The following ERBB4 variants were observed in gnomAD, a reference collection of about 807,000 sequenced individuals.
ERBB4 encodes the protein erb-b2 receptor tyrosine kinase 4, also known as receptor tyrosine-protein kinase erbB-4.
ERBB4 carries 42 observed loss-of-function variants against 158.0 expected under a neutral mutation model. That is an observed-to-expected ratio of 0.27 (90% CI 0.21 to 0.34). The LOEUF is 0.34. ERBB4 is among the 10% of genes least tolerant of loss of function. The pLI is 1.00. For synonymous variants in ERBB4, 583 were observed against 558.7 expected (o/e 1.04, Z -0.61); for missense variants, 1,333 against 1,624.1 (o/e 0.82, Z 3.08).
At chr2:211,902,555 A>G (rs2079264670) in intron 3 of ERBB4, among the ~76,000 whole-genome samples, 1 of 151,944 alleles carries the variant, frequency 6.6e-6, no homozygotes, top group Non-Finnish European at 1.5e-5. Flanking sequence ...AAAAAGAGCT[A>G]TTGAAAAGAA....
At chr2:212,278,619 A>T (rs2085635878) in intron 1 of ERBB4, among the ~76,000 whole-genome samples, 1 of 151,714 alleles carries the variant, frequency 6.6e-6, no homozygotes, top group Admixed American at 6.6e-5. Context: ...AGCACAGACT[A>T]GCTGAAAACA....
chr2:211,684,905 T>A (rs1247441600), intron 12 of ERBB4, among the ~76,000 whole-genome samples: 1 of 152,156 alleles, frequency 6.6e-6, no homozygotes, highest in Non-Finnish European at 1.5e-5. Context: ...GGGAGACAAA[T>A]TTGAGGGTTT....
chr2:212,131,120 A>G (rs2080094068), intron 1 of ERBB4, among the ~76,000 whole-genome samples: 1 of 152,140 alleles, frequency 6.6e-6, no homozygotes, highest in East Asian at 1.9e-4. Context: ...AGAGATGGCA[A>G]GTTTTGTTAT....
chr2:212,413,621 T>C (rs1330492975), intron 1 of ERBB4, among the ~76,000 whole-genome samples: 2 of 152,160 alleles, frequency 1.3e-5, no homozygotes, highest in Non-Finnish European at 2.9e-5. Context: ...TCAAAACTAG[T>C]AATACGATAT....
At chr2:212,083,859 G>A (rs568587364) in intron 2 of ERBB4, among the ~76,000 whole-genome samples, 85 of 150,166 alleles carry the variant, frequency 5.7e-4, no homozygotes, top group Admixed American at 1.5e-3. Flanking sequence ...ACAGAACAAC[G>A]CATATCTTTA....
At chr2:211,772,528 C>T (rs1406224509) in intron 4 of ERBB4, among the ~76,000 whole-genome samples, 3 of 151,758 alleles carry the variant, frequency 2.0e-5, no homozygotes, top group African/African-American at 4.8e-5. Flanking sequence ...CAGAGGGTCT[C>T]AGTAGTGGGG....
chr2:212,278,077 T>C (rs940236575), intron 1 of ERBB4, among the ~76,000 whole-genome samples: 2 of 151,752 alleles, frequency 1.3e-5, no homozygotes, highest in African/African-American at 4.8e-5. Flanking sequence ...GCCGCTAATA[T>C]TGTTAAATAG....
At chr2:212,517,380 A>G (rs1276525687) in intron 1 of ERBB4, among the ~76,000 whole-genome samples, 1 of 152,082 alleles carries the variant, frequency 6.6e-6, no homozygotes, top group Non-Finnish European at 1.5e-5. Flanking sequence ...TTTCAGTACA[A>G]TATTTGGGCA....
chr2:212,030,620 T>C (rs1304774368), intron 2 of ERBB4, among the ~76,000 whole-genome samples: 1 of 152,014 alleles, frequency 6.6e-6, no homozygotes, highest in African/African-American at 2.4e-5. Context: ...AAAGAGTGTG[T>C]TATCAATCTA....
intron 1 of ERBB4, among the ~76,000 whole-genome samples, chr2:212,417,360 A>G (rs893522405): frequency 6.6e-6 from 1 of 152,074 alleles, no homozygotes; most frequent in Non-Finnish European, 1.5e-5. Flanking sequence ...TCAGAAAGAG[A>G]AAAAGTAACT....
rs188896531 is a variant in ERBB4, at chr2:212,388,782, G to A, written c.82+149667C>T. Among the ~76,000 whole-genome samples the A allele has an allele frequency of 1.5e-4, 23 of 152,166 alleles. No homozygotes were observed. In the East Asian group the frequency reaches 3.7e-3, roughly 24 times the overall value. On this transcript the variant is annotated intron_variant, in intron 1 of 27. Coordinates refer to ENST00000342788, the MANE Select transcript of ERBB4 (RefSeq NM_005235.3). ...CACAATGCCTAAGAATTAACAGACC[G>A]TTCTTAGGGCCAATCTTGAGAGCCT...
At chr2:211,492,280 G>A (rs1045871074) in intron 20 of ERBB4, among the ~76,000 whole-genome samples, 1 of 152,062 alleles carries the variant, frequency 6.6e-6, no homozygotes, top group Non-Finnish European at 1.5e-5. Context: ...ATTTTGGGGG[G>A]AGCATTCAGG....
At chr2:211,886,573 T>C (rs1313947166) in intron 3 of ERBB4, among the ~76,000 whole-genome samples, 1 of 151,854 alleles carries the variant, frequency 6.6e-6, no homozygotes, top group East Asian at 1.9e-4. Context: ...ATAAAACATA[T>C]GGGAAAAGAA....
At chr2:211,545,346 C>T (rs1443848573) in intron 20 of ERBB4, among the ~76,000 whole-genome samples, 1 of 151,882 alleles carries the variant, frequency 6.6e-6, no homozygotes, top group Non-Finnish European at 1.5e-5. Flanking sequence ...GGAAGCCACC[C>T]CATCCATATT....
At chr2:211,625,368 C>T (rs1389104733) in intron 17 of ERBB4, among the ~76,000 whole-genome samples, 1 of 152,056 alleles carries the variant, frequency 6.6e-6, no homozygotes, top group East Asian at 1.9e-4. Flanking sequence ...GTATGAATTA[C>T]CATGCTTCTG....
chr2:211,485,917 G>A (rs1418894572), intron 20 of ERBB4, among the ~76,000 whole-genome samples: 1 of 151,930 alleles, frequency 6.6e-6, no homozygotes, highest in African/African-American at 2.4e-5. Flanking sequence ...CTTGTGGATT[G>A]ATTTACGGAC....
chr2:212,500,298 G>A (rs17260933), intron 1 of ERBB4, among the ~76,000 whole-genome samples: 15,130 of 151,914 alleles, frequency 0.1, 1,023 homozygotes, highest in Non-Finnish European at 0.15. Context: ...TTACCTAGCT[G>A]TCCTAATCAC....
At chr2:211,492,271 T>C (rs1207167374) in intron 20 of ERBB4, among the ~76,000 whole-genome samples, 1 of 152,092 alleles carries the variant, frequency 6.6e-6, no homozygotes, top group East Asian at 1.9e-4. Flanking sequence ...GTTATTCTGA[T>C]TTTGGGGGGA....
At chr2:211,682,206 G>C (rs1213531054) in intron 12 of ERBB4, among the ~76,000 whole-genome samples, 1 of 152,046 alleles carries the variant, frequency 6.6e-6, no homozygotes, top group African/African-American at 2.4e-5. Flanking sequence ...CCTGAGATCT[G>C]AGAGGACTGA....
Sources: allele counts gnomAD v4.1 joint callset (sites outside exome capture counted in the v4.1 genomes callset), GRCh38; gene constraint gnomAD v4.1.1; transcripts MANE v1.5; gene names NCBI Gene and HGNC (gene_info 2026-07-23, HGNC 2026-07-21).